CTNND2: variants seen among roughly 807,000 people sequenced by gnomAD.
CTNND2 encodes catenin delta-2.
Under a neutral mutation model 144.4 loss-of-function variants are expected in CTNND2, and 22 were observed. The observed-to-expected ratio is 0.15, with a 90% CI of 0.11 to 0.22. CTNND2 has a LOEUF of 0.22. CTNND2 is among the 10% of genes least tolerant of loss of function. The pLI is 1.00. For synonymous variants in CTNND2, 751 were observed against 695.6 expected, an observed-to-expected ratio of 1.08 and a Z score of -1.25; for missense variants, 1,353 against 1,618.8, an observed-to-expected ratio of 0.84 and a Z score of 2.82.
At chr5:11,516,971 A>G (rs549853582) in intron 3 of CTNND2, among the ~76,000 whole-genome samples, 2 of 152,304 alleles carry the variant, frequency 1.3e-5, no homozygotes, top group East Asian at 3.9e-4. Context: ...TGTAGTTACT[A>G]CTATATAAAT....
intron 2 of CTNND2, among the ~76,000 whole-genome samples, chr5:11,580,637 G>A (rs1297517766): frequency 3.3e-5 from 5 of 152,280 alleles, no homozygotes; most frequent in East Asian, 3.9e-4. Context: ...TCCTTCAAGC[G>A]TCAGCCTTTC....
At chr5:11,211,284 G>A (rs1738602235) in intron 10 of CTNND2, among the ~76,000 whole-genome samples, 1 of 152,180 alleles carries the variant, frequency 6.6e-6, no homozygotes, top group African/African-American at 2.4e-5. Context: ...GGCTGGGGGA[G>A]GCGAGATGAG....
chr5:11,769,859 T>C (rs1486079574), intron 1 of CTNND2, among the ~76,000 whole-genome samples: 1 of 152,240 alleles, frequency 6.6e-6, no homozygotes, highest in African/African-American at 2.4e-5. Context: ...CGACACATAA[T>C]TTGTTTTCCA....
intron 3 of CTNND2, among the ~76,000 whole-genome samples, chr5:11,544,842 G>C (rs1775072720): frequency 6.6e-6 from 1 of 152,066 alleles, no homozygotes; most frequent in African/African-American, 2.4e-5. Context: ...AAATTAGCCG[G>C]GCGTGGTGGC....
chr5:11,742,969 C>T (rs1788100349), intron 1 of CTNND2, among the ~76,000 whole-genome samples: 1 of 152,166 alleles, frequency 6.6e-6, no homozygotes, highest in Non-Finnish European at 1.5e-5. Flanking sequence ...AAGAAATAGG[C>T]ATCATGTCAT....
At chr5:11,699,787 G>A (rs894048696) in intron 2 of CTNND2, among the ~76,000 whole-genome samples, 1 of 152,172 alleles carries the variant, frequency 6.6e-6, no homozygotes, top group African/African-American at 2.4e-5. Context: ...TTTCTAACTT[G>A]TACCTGTCCT....
At position 11,903,683 on chromosome 5, in the gene CTNND2, C is replaced by G. The variant is rs1311538374; in HGVS notation, c.37+134G>C. On this transcript the variant is annotated intron_variant, in intron 1 of 21. Coordinates refer to ENST00000304623, the MANE Select transcript of CTNND2 (RefSeq NM_001332.4). This position sits in a 1 kb window ranked among gnomAD's most constrained non-coding sequence, Gnocchi z 5.4. Reference sequence around the variant, plus strand: ...CGATCGCGGTCCTCCCCGAGGCAGGCAGAAACCCCGCAGCAGCCGCCGCCG... The same window carrying G: ...CGATCGCGGTCCTCCCCGAGGCAGGGAGAAACCCCGCAGCAGCCGCCGCCG... 2 of 973,818 alleles carry G rather than the reference C, an allele frequency of 2.1e-6. No individual in the cohort carries two copies. The highest frequency in any genetic ancestry group is 2.8e-6 in the Non-Finnish European group (2 of 715,968). 60.3% of individuals were successfully genotyped at this position (973,818 alleles called of 1,614,324 possible).
At chr5:11,141,567 G>A (rs1039310059) in intron 12 of CTNND2, among the ~76,000 whole-genome samples, 2 of 152,180 alleles carry the variant, frequency 1.3e-5, no homozygotes, top group Non-Finnish European at 2.9e-5. Context: ...GAACGGTTAA[G>A]TTTGGATATG....
intron 3 of CTNND2, among the ~76,000 whole-genome samples, chr5:11,473,831 T>C (rs1468100911): frequency 1.3e-5 from 2 of 152,226 alleles, no homozygotes; most frequent in African/African-American, 2.4e-5. Context: ...ATCCCTGCTA[T>C]TACAATGGGG....
At chr5:11,392,415 C>T (rs990985745) in intron 6 of CTNND2, among the ~76,000 whole-genome samples, 9 of 152,264 alleles carry the variant, frequency 5.9e-5, no homozygotes, top group African/African-American at 1.9e-4. Context: ...TTCTTGATGG[C>T]AACTCTTTCT....
chr5:11,506,115 G>A (rs1303807971), intron 3 of CTNND2, among the ~76,000 whole-genome samples: 1 of 152,092 alleles, frequency 6.6e-6, no homozygotes, highest in East Asian at 1.9e-4. Context: ...AGGTTTGTAG[G>A]ATAAATTGCT....
intron 12 of CTNND2, among the ~76,000 whole-genome samples, chr5:11,130,676 C>T (rs1487664498): frequency 6.6e-6 from 1 of 152,180 alleles, no homozygotes; most frequent in Admixed American, 6.5e-5. Flanking sequence ...TCACGTGCCG[C>T]TCACAGTTGT....
chr5:11,094,356 A>G (rs11133638), intron 15 of CTNND2, among the ~76,000 whole-genome samples: 20,518 of 152,038 alleles, frequency 0.13, 1,618 homozygotes, highest in African/African-American at 0.22. Context: ...ATGGTCTCTG[A>G]CAGTTTTTCT....
intron 3 of CTNND2, among the ~76,000 whole-genome samples, chr5:11,563,315 T>C (rs1369872677): frequency 6.6e-6 from 1 of 152,188 alleles, no homozygotes; most frequent in Non-Finnish European, 1.5e-5. Context: ...CAACTCGACA[T>C]CAAGTCAATG....
At chr5:11,656,912 T>A (rs1440118252) in intron 2 of CTNND2, among the ~76,000 whole-genome samples, 1 of 152,034 alleles carries the variant, frequency 6.6e-6, no homozygotes, top group African/African-American at 2.4e-5. Flanking sequence ...CTAGCACAGG[T>A]GAGAACTTGG....
chr5:11,354,136 A>C (rs536445567), intron 8 of CTNND2, among the ~76,000 whole-genome samples: 1 of 152,306 alleles, frequency 6.6e-6, no homozygotes, highest in African/African-American at 2.4e-5. Flanking sequence ...TGCATTATTC[A>C]TGTGGTTTCA....
At chr5:11,735,970 T>C (rs1461843015) in intron 1 of CTNND2, among the ~76,000 whole-genome samples, 4 of 152,226 alleles carry the variant, frequency 2.6e-5, no homozygotes, top group Non-Finnish European at 4.4e-5. Context: ...ATTTACATTT[T>C]ATTGGGCCCA....
chr5:11,157,060 A>AG (rs1185921918), intron 12 of CTNND2, among the ~76,000 whole-genome samples: 1 of 152,216 alleles, frequency 6.6e-6, no homozygotes, highest in Non-Finnish European at 1.5e-5. Context: ...AACCAGAGTC[A>AG]GGATGTGGCT....
chr5:11,614,280 T>G (rs1285110481), intron 2 of CTNND2, among the ~76,000 whole-genome samples: 1 of 152,208 alleles, frequency 6.6e-6, no homozygotes, highest in African/African-American at 2.4e-5. Context: ...AGTTACATAA[T>G]GATGTTCAGA....
Sources: gnomAD v4.1 joint callset for allele counts (sites outside exome capture counted in the v4.1 genomes callset) on GRCh38, gnomAD v4.1.1 for gene constraint, Gnocchi (gnomAD v3.1) non-coding constraint, MANE v1.5 for transcripts, NCBI Gene and HGNC (gene_info 2026-07-23, HGNC 2026-07-21) for gene names.